Variants in PRKN observed in about 807,000 individuals in gnomAD.
The protein encoded by PRKN is parkin RBR E3 ubiquitin protein ligase.
In PRKN, 56 loss-of-function variants were observed where a neutral mutation model predicts 59.5. The observed-to-expected ratio is 0.94, with a 90% CI of 0.76 to 1.18. The LOEUF (loss-of-function observed/expected upper bound fraction) is 1.18, where lower values mean the gene tolerates loss of function less well. Ranked by LOEUF, PRKN falls within the 50% of genes most tolerant of loss-of-function variation. PRKN has a pLI of 0.00. For missense variants in PRKN, 657 were observed against 596.4 expected, an observed-to-expected ratio of 1.10 and a Z score of -1.06; for synonymous variants, 250 against 222.1, an observed-to-expected ratio of 1.13 and a Z score of -1.12.
At chr6:162,148,405 G>A (rs1305004240) in intron 4 of PRKN, among the ~76,000 whole-genome samples, 2 of 152,008 alleles carry the variant, frequency 1.3e-5, no homozygotes, top group African/African-American at 2.4e-5. Context: ...AGAACATGGG[G>A]ACCATTCTGT....
intron 6 of PRKN, among the ~76,000 whole-genome samples, chr6:161,809,123 A>G (rs1791457026): frequency 6.6e-6 from 1 of 152,312 alleles, no homozygotes; most frequent in African/African-American, 2.4e-5. Flanking sequence ...TTATAGGCAT[A>G]AGCCACAGAG....
At chr6:162,153,928 A>G (rs1035817384) in intron 4 of PRKN, among the ~76,000 whole-genome samples, 3 of 152,124 alleles carry the variant, frequency 2.0e-5, no homozygotes, top group Non-Finnish European at 4.4e-5. Flanking sequence ...TCAATTGGTA[A>G]AAAGACATTA....
At chr6:162,560,862 A>AAAAAAAAAAAAAAC in intron 1 of PRKN, among the ~76,000 whole-genome samples, 2 of 150,704 alleles carry the variant, frequency 1.3e-5, no homozygotes, top group Non-Finnish European at 3.0e-5. Context: ...GCAAAAAAAA[A>AAAAAAAAAAAAAAC]AAAAACCCAG....
chr6:162,204,779 C>T (rs922526283), intron 3 of PRKN, among the ~76,000 whole-genome samples: 3 of 151,060 alleles, frequency 2.0e-5, no homozygotes, highest in Admixed American at 1.3e-4. Context: ...CCTTTTAAAG[C>T]GTGAGTCACC....
At chr6:162,098,133 T>C (rs2187204) in intron 4 of PRKN, among the ~76,000 whole-genome samples, 104,554 of 152,072 alleles carry the variant, frequency 0.69, 35,984 homozygotes, top group East Asian at 0.83. Flanking sequence ...TGCTTGTTAA[T>C]GTGGCTGGTG....
rs759161543 is a variant in PRKN, at chr6:161,593,987, T to TA, written c.872-24572dup. ...CAACATAGTGAAACCCCATCTCTAC[T>TA]AAAAAAAAAAAACAAAAAACAAAAA... On this transcript the variant is annotated intron_variant, in intron 7 of 11. Transcript: ENST00000366898. The surrounding 1 kb of genome is among the most constrained non-coding windows in gnomAD (Gnocchi z 4.8). 0.034 allele frequency among the ~76,000 whole-genome samples: 4,652 copies of TA among 135,020 alleles called. 226 individuals carry two copies. Among genetic ancestry groups the TA allele is most frequent in the African/African-American group, 0.11 (4,181 of 36,964 alleles). 88.6% of individuals were successfully genotyped at this position (135,020 alleles called of 152,430 possible).
At position 161,498,074 on chromosome 6, in the gene PRKN, C is replaced by A. The variant is rs573238879; in HGVS notation, c.1083+50780G>T. ...GAGGACTCACAAGCACTGAGACTGG[C>A]TTTTTTCATTAGTTATTTATAAAGC... On this transcript the variant is annotated intron_variant, in intron 9 of 11. Transcript: ENST00000366898. This position sits in a 1 kb window ranked among gnomAD's most constrained non-coding sequence, Gnocchi z 4.2. Among the ~76,000 whole-genome samples, 3 of 152,140 alleles carry A rather than the reference C, an allele frequency of 2.0e-5. No individual in the cohort carries two copies. In the South Asian group the frequency reaches 6.2e-4, roughly 32 times the overall value.
rs1247766071 is a variant in PRKN, at chr6:161,497,590, C to T, written c.1083+51264G>A. Among the ~76,000 whole-genome samples, 1 of 152,086 alleles carries T rather than the reference C, an allele frequency of 6.6e-6. No individual in the cohort carries two copies. The highest frequency in any genetic ancestry group is 1.5e-5 in the Non-Finnish European group (1 of 68,014). On this transcript the variant is annotated intron_variant, in intron 9 of 11. Coordinates refer to ENST00000366898, the MANE Select transcript of PRKN (RefSeq NM_004562.3). This position sits in a 1 kb window ranked among gnomAD's most constrained non-coding sequence, Gnocchi z 4.6. ...TCTCTCTCTCTCTCACACACACACA[C>T]ACACACACCATATCCCACTTACAGA...
chr6:161,905,663 T>C (rs1287837836), intron 6 of PRKN, among the ~76,000 whole-genome samples: 3 of 152,012 alleles, frequency 2.0e-5, no homozygotes, highest in Non-Finnish European at 4.4e-5. Context: ...TATATATTTT[T>C]TTAAAGTACA....
intron 6 of PRKN, among the ~76,000 whole-genome samples, chr6:161,827,887 T>A (rs1792316167): frequency 6.6e-6 from 1 of 152,158 alleles, no homozygotes; most frequent in Non-Finnish European, 1.5e-5. Flanking sequence ...TTCTACCAAG[T>A]TTTATTGACT....
At position 161,484,640 on chromosome 6, in the gene PRKN, A is replaced by G. The variant is rs543533618; in HGVS notation, c.1083+64214T>C. Among the ~76,000 whole-genome samples the G allele has an allele frequency of 5.9e-5, 9 of 152,218 alleles. No homozygotes were observed. The highest frequency in any genetic ancestry group is 1.9e-4 in the African/African-American group (8 of 41,554). On this transcript the variant is annotated intron_variant, in intron 9 of 11. Coordinates refer to ENST00000366898, the MANE Select transcript of PRKN (RefSeq NM_004562.3). The surrounding 1 kb of genome is among the most constrained non-coding windows in gnomAD (Gnocchi z 4.9). ...CAGGGAGTCTGACTCAGGGTGTTCA[A>G]TCTCAGCACTACTGAAGTTTGAGAC...
chr6:161,617,454 GATGAGAAGAAA>G (rs895442504), intron 7 of PRKN, among the ~76,000 whole-genome samples: 9 of 152,190 alleles, frequency 5.9e-5, no homozygotes, highest in African/African-American at 2.2e-4. Context: ...GGAAAATGCT[GATGAGAAGAAA>G]ATGTACTTGC....
At position 161,407,662 on chromosome 6, in the gene PRKN, T is replaced by G. The variant is rs1435488738; in HGVS notation, c.1084-20785A>C. 6.6e-6 allele frequency among the ~76,000 whole-genome samples: 1 copy of G among 152,082 alleles called. No homozygotes were observed. The highest frequency in any genetic ancestry group is 1.5e-5 in the Non-Finnish European group (1 of 68,014). ...CATTATAACCCCTGTGACCTGCACA[T>G]ATACGTCCAGATGGCCTGCAGGAGC... On this transcript the variant is annotated intron_variant, in intron 9 of 11. Transcript: ENST00000366898. This position sits in a 1 kb window ranked among gnomAD's most constrained non-coding sequence, Gnocchi z 4.9.
At chr6:162,393,113 T>C (rs957828455) in intron 2 of PRKN, among the ~76,000 whole-genome samples, 1 of 150,340 alleles carries the variant, frequency 6.7e-6, no homozygotes, top group African/African-American at 2.5e-5. Context: ...CCATTTAAAG[T>C]GAACTAGACA....
chr6:161,961,801 T>A (rs1780389736), intron 6 of PRKN, among the ~76,000 whole-genome samples: 1 of 151,262 alleles, frequency 6.6e-6, no homozygotes, highest in South Asian at 2.1e-4. Flanking sequence ...CCTTTTACCT[T>A]ATCTTTGATG....
At chr6:162,504,119 G>A (rs1312224303) in intron 1 of PRKN, among the ~76,000 whole-genome samples, 1 of 152,126 alleles carries the variant, frequency 6.6e-6, no homozygotes, top group Non-Finnish European at 1.5e-5. Flanking sequence ...AGGCTGACGG[G>A]AAACTCCAGG....
chr6:162,559,484 T>C (rs1389567628), intron 1 of PRKN, among the ~76,000 whole-genome samples: 2 of 152,130 alleles, frequency 1.3e-5, no homozygotes, highest in Non-Finnish European at 2.9e-5. Flanking sequence ...ACCTTGTCCC[T>C]GGAATTGTGC....
intron 5 of PRKN, among the ~76,000 whole-genome samples, chr6:162,019,170 A>G (rs1053035995): frequency 2.0e-5 from 3 of 152,190 alleles, no homozygotes; most frequent in Admixed American, 6.5e-5. Context: ...ATGGAGAAAA[A>G]CATGAGGTAC....
chr6:162,088,056 T>C (rs1779328906), intron 4 of PRKN, among the ~76,000 whole-genome samples: 1 of 152,168 alleles, frequency 6.6e-6, no homozygotes, highest in South Asian at 2.1e-4. Context: ...TGCAATCCAG[T>C]ACAGGCTCCA....
Sources: gnomAD v4.1 joint callset for allele counts (sites outside exome capture counted in the v4.1 genomes callset) on GRCh38, gnomAD v4.1.1 for gene constraint, Gnocchi (gnomAD v3.1) non-coding constraint, MANE v1.5 for transcripts, NCBI Gene and HGNC (gene_info 2026-07-23, HGNC 2026-07-21) for gene names.